The following RCAN2 variants were observed in gnomAD, a reference collection of about 807,000 sequenced individuals.
RCAN2 encodes the protein regulator of calcineurin 2.
Under a neutral mutation model 23.6 loss-of-function variants are expected in RCAN2, and 9 were observed. The observed-to-expected ratio is 0.38, with a 90% CI of 0.23 to 0.67. The LOEUF (loss-of-function observed/expected upper bound fraction) is 0.67. RCAN2 is among the 30% of genes least tolerant of loss of function. The pLI is 0.51. For synonymous variants in RCAN2, 109 were observed against 115.7 expected (o/e 0.94, Z 0.37); for missense variants, 273 against 302.3 (o/e 0.90, Z 0.72).
intron 2 of RCAN2, among the ~76,000 whole-genome samples, chr6:46,389,997 A>T (rs1765884334): frequency 6.7e-6 from 1 of 148,248 alleles, no homozygotes; most frequent in Non-Finnish European, 1.5e-5. Flanking sequence ...AAAAATGAAC[A>T]TATAGCATTA....
At chr6:46,277,083 A>G (rs1489315603) in intron 2 of RCAN2, among the ~76,000 whole-genome samples, 1 of 152,262 alleles carries the variant, frequency 6.6e-6, no homozygotes, top group Non-Finnish European at 1.5e-5. Flanking sequence ...TGTTCTATCA[A>G]AAAAGTAATT....
chr6:46,375,979 T>C (rs1765448732), intron 2 of RCAN2, among the ~76,000 whole-genome samples: 1 of 152,244 alleles, frequency 6.6e-6, no homozygotes, highest in East Asian at 1.9e-4. Context: ...CTCTGATGTC[T>C]TTCTTTTCAA....
intron 2 of RCAN2, among the ~76,000 whole-genome samples, chr6:46,428,817 C>T (rs1582194240): frequency 1.3e-5 from 2 of 152,296 alleles, no homozygotes; most frequent in East Asian, 3.9e-4. Flanking sequence ...AAATTAGTTG[C>T]CATTCCTCCA....
At chr6:46,253,026 C>A (rs1339808784) in intron 2 of RCAN2, among the ~76,000 whole-genome samples, 2 of 151,980 alleles carry the variant, frequency 1.3e-5, no homozygotes, top group Non-Finnish European at 2.9e-5. Context: ...AAATTTTAAC[C>A]CATGCAATGA....
chr6:46,428,678 G>A (rs922335662), intron 2 of RCAN2, among the ~76,000 whole-genome samples: 5 of 152,146 alleles, frequency 3.3e-5, no homozygotes, highest in African/African-American at 9.7e-5. Context: ...CAACCATGAA[G>A]CTCACCTTCC....
chr6:46,285,533 T>C (rs1000581410), intron 2 of RCAN2, among the ~76,000 whole-genome samples: 1 of 152,214 alleles, frequency 6.6e-6, no homozygotes, highest in Admixed American at 6.5e-5. Flanking sequence ...ATGGGTCAGT[T>C]TGAGAAAGAC....
chr6:46,229,435 A>G (rs1298333722), intron 4 of RCAN2, among the ~76,000 whole-genome samples: 1 of 152,104 alleles, frequency 6.6e-6, no homozygotes, highest in Non-Finnish European at 1.5e-5. Context: ...GTCTTTTCAC[A>G]TAGTCGCTTA....
intron 4 of RCAN2, among the ~76,000 whole-genome samples, chr6:46,230,002 G>C (rs1765821365): frequency 6.6e-6 from 1 of 152,190 alleles, no homozygotes; most frequent in Non-Finnish European, 1.5e-5. Flanking sequence ...TAACAGTCAG[G>C]ACCCTCAGCT....
At chr6:46,429,497 T>C (rs1767126190) in intron 2 of RCAN2, among the ~76,000 whole-genome samples, 1 of 152,196 alleles carries the variant, frequency 6.6e-6, no homozygotes, top group East Asian at 1.9e-4. Context: ...GTTATTACAC[T>C]GAAGAAGGAA....
intron 2 of RCAN2, among the ~76,000 whole-genome samples, chr6:46,260,501 A>T (rs1370130580): frequency 6.6e-6 from 1 of 152,060 alleles, no homozygotes; most frequent in Non-Finnish European, 1.5e-5. Flanking sequence ...ATTGCTTGGA[A>T]CCTGTCCTGG....
intron 2 of RCAN2, among the ~76,000 whole-genome samples, chr6:46,321,865 A>T (rs1763628617): frequency 6.6e-6 from 1 of 152,230 alleles, no homozygotes; most frequent in African/African-American, 2.4e-5. Context: ...ATCAAGTCTT[A>T]GCTGGGGAGA....
chr6:46,225,595 CT>C (rs1299198865), intron 4 of RCAN2, among the ~76,000 whole-genome samples: 2 of 152,164 alleles, frequency 1.3e-5, no homozygotes, highest in African/African-American at 4.8e-5. Context: ...TGAGAAGTGT[CT>C]GTTCATATAA....
chr6:46,490,756 G>T (rs1769116602), intron 1 of RCAN2, among the ~76,000 whole-genome samples: 2 of 138,366 alleles, frequency 1.4e-5, no homozygotes, highest in South Asian at 5.3e-4. Flanking sequence ...TTTGCTCTCT[G>T]CATCCAGTTA....
chr6:46,313,880 C>G (rs980215106), intron 2 of RCAN2, among the ~76,000 whole-genome samples: 2 of 152,140 alleles, frequency 1.3e-5, no homozygotes, highest in Non-Finnish European at 2.9e-5. Context: ...ATATAGAATA[C>G]TATTTTGCTA....
At chr6:46,297,425 G>A (rs1296604309) in intron 2 of RCAN2, among the ~76,000 whole-genome samples, 1 of 152,026 alleles carries the variant, frequency 6.6e-6, no homozygotes, top group African/African-American at 2.4e-5. Flanking sequence ...ACCTCCAGAG[G>A]GTGCAGAAGT....
chr6:46,372,095 G>C (rs1419415230), intron 2 of RCAN2, among the ~76,000 whole-genome samples: 4 of 152,168 alleles, frequency 2.6e-5, no homozygotes. Flanking sequence ...TTAATTTAAA[G>C]GAACTACATG....
rs140109781 is a variant in RCAN2, at chr6:46,308,703, C to T, written c.226-59807G>A. Among the ~76,000 whole-genome samples, 1,127 of 152,196 alleles carry T rather than the reference C, an allele frequency of 7.4e-3. 10 individuals are homozygous for T. Among genetic ancestry groups the T allele is most frequent in the African/African-American group, 0.026 (1,082 of 41,522 alleles). On this transcript the variant is annotated intron_variant, in intron 2 of 4. Transcript: ENST00000371374. ...GGAGAAGAAGACCTGGAAATGTGGT[C>T]AGGCCAAACAGCTTTCTTCAAAGAA...
chr6:46,237,137 T>C (rs1268487250), intron 4 of RCAN2, among the ~76,000 whole-genome samples: 1 of 152,236 alleles, frequency 6.6e-6, no homozygotes, highest in Non-Finnish European at 1.5e-5. Flanking sequence ...CCTAGTTTTG[T>C]CTTTCACTTT....
At position 46,467,514 on chromosome 6, in the gene RCAN2, CAT is replaced by C. The variant is rs895022111; in HGVS notation, c.-2-10538_-2-10537del. Among the ~76,000 whole-genome samples, 60 of 152,370 alleles carry C rather than the reference CAT, an allele frequency of 3.9e-4. 1 individual carries two copies. The highest frequency in any genetic ancestry group is 1.2e-3 in the African/African-American group (50 of 41,582). ...TTCTCAACAGAGCAACCTTCTGTCT[CAT>C]ATGACACAGGAGCTCCTCCTCTCTT... On this transcript the variant is annotated intron_variant, in intron 1 of 4. Transcript: ENST00000371374.
Sources: allele counts gnomAD v4.1 joint callset (sites outside exome capture counted in the v4.1 genomes callset), GRCh38; gene constraint gnomAD v4.1.1; transcripts MANE v1.5; gene names NCBI Gene and HGNC (gene_info 2026-07-23, HGNC 2026-07-21).